Variants in TLX2 observed in about 807,000 individuals in gnomAD.
The protein encoded by TLX2 is T-cell leukemia homeobox protein 2.
Under a neutral mutation model 21.7 loss-of-function variants are expected in TLX2, and 15 were observed. That is an observed-to-expected ratio of 0.69 (90% CI 0.46 to 1.07). The LOEUF (loss-of-function observed/expected upper bound fraction) is 1.07. Among genes scored for constraint, TLX2 ranks in the 50% least tolerant of loss-of-function variants. TLX2 has a pLI of 0.00. For synonymous variants in TLX2, 213 were observed against 193.1 expected (o/e 1.10, Z -0.85); for missense variants, 384 against 409.1 (o/e 0.94, Z 0.53).
In TLX2 at chr2:74,516,666, G is replaced by A. The variant is rs921403156; in HGVS notation, c.*477G>A. On this transcript the variant is annotated 3_prime_UTR_variant, in exon 3 of 3. Coordinates refer to ENST00000233638, the MANE Select transcript of TLX2 (RefSeq NM_016170.5). ...GAAGCAATAGAGGGGGTGCTGGAGC[G>A]CGAGAGGCTGGCTGATTGTGACCGA... The A allele has an allele frequency of 7.2e-6, 3 of 419,560 alleles. No individual in the cohort carries two copies. Among genetic ancestry groups the A allele is most frequent in the African/African-American group, 4.4e-5 (2 of 45,516 alleles). 26.0% of individuals were successfully genotyped at this position (419,560 alleles called of 1,614,324 possible).
At position 74,515,714 on chromosome 2, in the gene TLX2, G is replaced by A. The variant is rs1018250433; in HGVS notation, c.482G>A (p.Arg161His). The stretch of plus-strand genomic sequence containing the variant: ...ACCCCTCCGAAGCGGAAGAAGCCGC[G>A]CACGTCCTTCTCCCGCTCACAGGTG... Reference protein sequence around the residue: ...NRTPPKRKKPRTSFSRSQVLE... With the variant: ...NRTPPKRKKPHTSFSRSQVLE... The change falls in exon 2 of 3, where the codon CGC becomes CAC. Residue 161 changes from arginine (R) to histidine (H), a missense_variant. Arg to His is a conservative substitution (Grantham distance 29). Coordinates refer to ENST00000233638, the MANE Select transcript of TLX2 (RefSeq NM_016170.5). This position sits in a 1 kb window ranked among gnomAD's most constrained non-coding sequence, Gnocchi z 6.6. The A allele has an allele frequency of 3.1e-6, 5 of 1,613,548 alleles. No individual in the cohort carries two copies. The highest frequency in any genetic ancestry group is 1.7e-6 in the Non-Finnish European group (2 of 1,179,988).
At position 74,514,651 on chromosome 2, in the gene TLX2, G is replaced by T; in HGVS notation, c.-156G>T. The T allele has an allele frequency of 6.8e-7, 1 of 1,473,282 alleles. No individual in the cohort carries two copies. 91.3% of individuals were successfully genotyped at this position (1,473,282 alleles called of 1,614,324 possible). On this transcript the variant is annotated 5_prime_UTR_variant, in exon 1 of 3. Coordinates refer to ENST00000233638, the MANE Select transcript of TLX2 (RefSeq NM_016170.5). This position sits in a 1 kb window ranked among gnomAD's most constrained non-coding sequence, Gnocchi z 5.0. ...GGCGCGGCTGCTCCGGGTGCACAGG[G>T]ATGCTGCTGTTTCGGGGACCCCGGC...
Position 74,515,264 on chromosome 2 carries a change from C to G in TLX2, c.400+58C>G. ...CGACTCTGACCCCGTCTCCTCATTT[C>G]TTAGCTTTCTGCTCCAACTCAAGGA... On this transcript the variant is annotated intron_variant, in intron 1 of 2. Coordinates refer to ENST00000233638, the MANE Select transcript of TLX2 (RefSeq NM_016170.5). The surrounding 1 kb of genome is among the most constrained non-coding windows in gnomAD (Gnocchi z 6.6). The G allele has an allele frequency of 6.5e-7, 1 of 1,534,516 alleles. No individual in the cohort carries two copies.
At position 74,515,612 on chromosome 2, in the gene TLX2, G is replaced by C. The variant is rs754765583; in HGVS notation, c.401-21G>C. 17 of 1,597,866 alleles carry C rather than the reference G, an allele frequency of 1.1e-5. No homozygotes were observed. Among genetic ancestry groups the C allele is most frequent in the Middle Eastern group, 1.7e-4 (1 of 5,844 alleles). On this transcript the variant is annotated intron_variant, in intron 1 of 2. Coordinates refer to ENST00000233638, the MANE Select transcript of TLX2 (RefSeq NM_016170.5). This position sits in a 1 kb window ranked among gnomAD's most constrained non-coding sequence, Gnocchi z 6.6. ...CGGGCCACCCTGCAAATCCTGCCCT[G>C]GTCTTTCTTCCTCCCGGTAGCTGCG...
At position 74,515,082 on chromosome 2, in the gene TLX2, G is replaced by C; in HGVS notation, c.276G>C (p.Pro92=). 1 of 1,523,922 alleles carries C rather than the reference G, an allele frequency of 6.6e-7. No individual in the cohort carries two copies. Among genetic ancestry groups the C allele is most frequent in the South Asian group, 1.2e-5 (1 of 82,198 alleles). The allele number at this position is 1,523,922 out of a possible 1,614,324, so 94.4% of individuals were successfully genotyped here. Residue 92 remains proline (P), a synonymous_variant, in exon 1 of 3, where the codon CCG becomes CCC. Transcript: ENST00000233638. This position sits in a 1 kb window ranked among gnomAD's most constrained non-coding sequence, Gnocchi z 6.6. ...CTGCGCACCGCCCGCTGCCTGTGCC[G>C]CCGCCCGCTGGGGGGGCGCCTGCAG... ...RVPAHRPLPV[P]PPAGGAPAVP...
chr2:74,516,173 T>C lies in TLX2; in HGVS notation c.839T>C (p.Leu280Pro), dbSNP rs1386612518. Residue 280 changes from leucine to proline, a missense_variant, in exon 3 of 3, where the codon CTC becomes CCC. Transcript: ENST00000233638. ...EDNKVASVSG[L>P]ASVV ...AACAAAGTGGCTTCAGTGTCCGGGC[T>C]CGCCTCGGTGGTGTGAGCGACGCCC... The C allele has an allele frequency of 6.2e-7, 1 of 1,609,886 alleles. No homozygotes were observed. The highest frequency in any genetic ancestry group is 1.3e-5 in the African/African-American group (1 of 74,802).
At position 74,514,710 on chromosome 2, in the gene TLX2, G is replaced by T. The variant is rs1449480002; in HGVS notation, c.-97G>T. 1 of 1,568,026 alleles carries T rather than the reference G, an allele frequency of 6.4e-7. No homozygotes were observed. Among genetic ancestry groups the T allele is most frequent in the East Asian group, 2.4e-5 (1 of 41,600 alleles). On this transcript the variant is annotated 5_prime_UTR_variant, in exon 1 of 3. Coordinates refer to ENST00000233638, the MANE Select transcript of TLX2 (RefSeq NM_016170.5). The surrounding 1 kb of genome is among the most constrained non-coding windows in gnomAD (Gnocchi z 5.0). ...TTGGCCAGCCCCGCGGGCCCCTGAG[G>T]CCACTCTCCGGAGCGCGCCGCCGCT...
chr2:74,515,466 C>T lies in TLX2; in HGVS notation c.401-167C>T, dbSNP rs1327599410. Among the ~76,000 whole-genome samples the T allele has an allele frequency of 3.3e-5, 5 of 152,144 alleles. No individual in the cohort carries two copies. Among genetic ancestry groups the T allele is most frequent in the Non-Finnish European group, 5.9e-5 (4 of 68,018 alleles). Reference sequence around the variant, plus strand: ...GTGAAGTTACAGGGGACGTCTCCCTCGCATCCCAGGGGAAGGGCCTTTCTT... The same window carrying T: ...GTGAAGTTACAGGGGACGTCTCCCTTGCATCCCAGGGGAAGGGCCTTTCTT... On this transcript the variant is annotated intron_variant, in intron 1 of 2. Transcript: ENST00000233638. The surrounding 1 kb of genome is among the most constrained non-coding windows in gnomAD (Gnocchi z 6.6).
chr2:74,514,730 G>T lies in TLX2; in HGVS notation c.-77G>T. 1 of 1,592,420 alleles carries T rather than the reference G, an allele frequency of 6.3e-7. No individual in the cohort carries two copies. ...CTGAGGCCACTCTCCGGAGCGCGCC[G>T]CCGCTGGGCTTCTGGCGCTGCCTGA... On this transcript the variant is annotated 5_prime_UTR_variant, in exon 1 of 3. Coordinates refer to ENST00000233638, the MANE Select transcript of TLX2 (RefSeq NM_016170.5). This position sits in a 1 kb window ranked among gnomAD's most constrained non-coding sequence, Gnocchi z 5.0.
rs141921839 is a variant in TLX2 at position 74,516,166 on chromosome 2, T to A, written c.832T>A (p.Ser278Thr). 2.8e-4 allele frequency: 443 copies of A among 1,610,480 alleles called. 3 individuals are homozygous for A. The East Asian group carries it at 9.0e-3, about 33-fold the overall frequency. The change falls in exon 3 of 3, where the codon TCC becomes ACC. Residue 278 changes from serine to threonine, a missense_variant. Coordinates refer to ENST00000233638, the MANE Select transcript of TLX2 (RefSeq NM_016170.5). Reference protein sequence around the residue: ...WAEDNKVASVSGLASVV With the variant: ...WAEDNKVASVTGLASVV ...CGAGGACAACAAAGTGGCTTCAGTGTCCGGGCTCGCCTCGGTGGTGTGAGC... is the reference window on the plus strand; with the variant it reads ...CGAGGACAACAAAGTGGCTTCAGTGACCGGGCTCGCCTCGGTGGTGTGAGC...
chr2:74,516,424 G>C lies in TLX2; in HGVS notation c.*235G>C. ...CTTCACTGCCGTTACGCCCTCGCTG[G>C]AACCTGAGGCGCCGAGAGGGCGGGA... On this transcript the variant is annotated 3_prime_UTR_variant, in exon 3 of 3. Coordinates refer to ENST00000233638, the MANE Select transcript of TLX2 (RefSeq NM_016170.5). The C allele has an allele frequency of 7.1e-7, 1 of 1,409,252 alleles. No homozygotes were observed. Among genetic ancestry groups the C allele is most frequent in the Non-Finnish European group, 9.3e-7 (1 of 1,079,982 alleles). The allele number at this position is 1,409,252 out of a possible 1,614,324, so 87.3% of individuals were successfully genotyped here.
In TLX2 at chr2:74,516,498, A is replaced by G; in HGVS notation, c.*309A>G. 7.9e-7 allele frequency: 1 copy of G among 1,258,440 alleles called. No individual in the cohort carries two copies. The highest frequency in any genetic ancestry group is 1.0e-6 in the Non-Finnish European group (1 of 991,864). The allele number at this position is 1,258,440 out of a possible 1,614,324, so 78.0% of individuals were successfully genotyped here. On this transcript the variant is annotated 3_prime_UTR_variant, in exon 3 of 3. Transcript: ENST00000233638. ...GTGCGGGGAGGGGGCCGGGCTGGCC[A>G]ATGGGAGCTGCTTTCCTGAGGGACT...
chr2:74,514,708 A>G lies in TLX2; in HGVS notation c.-99A>G, dbSNP rs985369297. The G allele has an allele frequency of 6.4e-7, 1 of 1,566,134 alleles. No individual in the cohort carries two copies. The highest frequency in any genetic ancestry group is 8.6e-7 in the Non-Finnish European group (1 of 1,157,030). The stretch of plus-strand genomic sequence containing the variant: ...CCTTGGCCAGCCCCGCGGGCCCCTG[A>G]GGCCACTCTCCGGAGCGCGCCGCCG... On this transcript the variant is annotated 5_prime_UTR_variant, in exon 1 of 3. It removes the in-frame stop codon of an upstream open reading frame in the 5' UTR. Transcript: ENST00000233638. The surrounding 1 kb of genome is among the most constrained non-coding windows in gnomAD (Gnocchi z 5.0).
rs1170034378 is a variant in TLX2, at chr2:74,514,956, C to T, written c.150C>T (p.Phe50=). Residue 50 remains phenylalanine (F), a synonymous_variant, in exon 1 of 3, where the codon TTC becomes TTT. Transcript: ENST00000233638. The surrounding 1 kb of genome is among the most constrained non-coding windows in gnomAD (Gnocchi z 5.0). ...AGGGTCATGGGGAGAATGGGGCGTT[C>T]TCGGGTGGATACCACGGAGCCTCGG... The part of the protein sequence containing the change: ...GGQGHGENGA[F]SGGYHGASGY... The T allele has an allele frequency of 1.3e-6, 2 of 1,589,062 alleles. No individual in the cohort carries two copies. Among genetic ancestry groups the T allele is most frequent in the Admixed American group, 1.7e-5 (1 of 57,314 alleles).
In TLX2 at chr2:74,514,912, G is replaced by A; in HGVS notation, c.106G>A (p.Gly36Ser). The A allele has an allele frequency of 1.9e-6, 3 of 1,610,338 alleles. No homozygotes were observed. Among genetic ancestry groups the A allele is most frequent in the Non-Finnish European group, 2.5e-6 (3 of 1,178,686 alleles). Residue 36 changes from glycine to serine, a missense_variant, in exon 1 of 3, where the codon GGC becomes AGC. Coordinates refer to ENST00000233638, the MANE Select transcript of TLX2 (RefSeq NM_016170.5). The surrounding 1 kb of genome is among the most constrained non-coding windows in gnomAD (Gnocchi z 5.0). Reference sequence around the variant, plus strand: ...CCCCGAAACCCCAGGGGGCGGTCTAGGCCTGGGTCGCGGGGGCCAGGGTCA... The same window carrying A: ...CCCCGAAACCCCAGGGGGCGGTCTAAGCCTGGGTCGCGGGGGCCAGGGTCA... The part of the protein sequence containing the change: ...SGPETPGGGL[G>S]LGRGGQGHGE...
chr2:74,515,995 G>T lies in TLX2; in HGVS notation c.661G>T (p.Glu221Ter). 6.8e-7 allele frequency: 1 copy of T among 1,481,034 alleles called. No individual in the cohort carries two copies. The highest frequency in any genetic ancestry group is 1.4e-5 in the South Asian group (1 of 72,862). The allele number at this position is 1,481,034 out of a possible 1,614,324, so 91.7% of individuals were successfully genotyped here. Reference sequence around the variant, plus strand: ...TAGGCGCCAGACGGCGGAGGAGCGCGAGGCCGAGCGGCACCGCGCGGGCCG... The same window carrying T: ...TAGGCGCCAGACGGCGGAGGAGCGCTAGGCCGAGCGGCACCGCGCGGGCCG... Reference protein sequence around the residue: ...KWRRQTAEEREAERHRAGRLL... With the variant: ...KWRRQTAEER The change falls in exon 3 of 3, where the codon GAG (glutamate) becomes TAG (stop). Residue 221 changes from glutamate (E) to a stop codon, truncating the protein, a stop_gained. Coordinates refer to ENST00000233638, the MANE Select transcript of TLX2 (RefSeq NM_016170.5). LOFTEE classifies it high-confidence loss of function. This position sits in a 1 kb window ranked among gnomAD's most constrained non-coding sequence, Gnocchi z 6.6.
rs1156591314 is a variant in TLX2 at position 74,516,429 on chromosome 2, T to A, written c.*240T>A. On this transcript the variant is annotated 3_prime_UTR_variant, in exon 3 of 3. Transcript: ENST00000233638. ...CTGCCGTTACGCCCTCGCTGGAACC[T>A]GAGGCGCCGAGAGGGCGGGACCTGC... 1.4e-6 allele frequency: 2 copies of A among 1,393,604 alleles called. No homozygotes were observed. The highest frequency in any genetic ancestry group is 5.4e-5 in the Admixed American group (2 of 36,710). 86.3% of individuals were successfully genotyped at this position (1,393,604 alleles called of 1,614,324 possible).
Position 74,516,439 on chromosome 2 carries a change from A to T in TLX2, c.*250A>T. On this transcript the variant is annotated 3_prime_UTR_variant, in exon 3 of 3. Coordinates refer to ENST00000233638, the MANE Select transcript of TLX2 (RefSeq NM_016170.5). ...GCCCTCGCTGGAACCTGAGGCGCCG[A>T]GAGGGCGGGACCTGCAGGACAGTAG... 7.9e-6 allele frequency: 11 copies of T among 1,386,494 alleles called. No homozygotes were observed. The highest frequency in any genetic ancestry group is 1.0e-5 in the Non-Finnish European group (11 of 1,066,148). The allele number at this position is 1,386,494 out of a possible 1,614,324, so 85.9% of individuals were successfully genotyped here.
At position 74,515,017 on chromosome 2, in the gene TLX2, G is replaced by C. The variant is rs765604395; in HGVS notation, c.211G>C (p.Gly71Arg). ...GPAGSLAPLP[G>R]SSGVGPGGVI... The stretch of plus-strand genomic sequence containing the variant: ...CGCCGGCTCACTTGCCCCGCTGCCC[G>C]GCAGCTCCGGAGTGGGCCCAGGCGG... The change falls in exon 1 of 3, where the codon GGC becomes CGC. Residue 71 changes from glycine to arginine, a missense_variant. Physicochemically the swap from Gly to Arg is moderately radical, Grantham distance 125. Coordinates refer to ENST00000233638, the MANE Select transcript of TLX2 (RefSeq NM_016170.5). This position sits in a 1 kb window ranked among gnomAD's most constrained non-coding sequence, Gnocchi z 6.6. The C allele has an allele frequency of 4.8e-5, 74 of 1,528,272 alleles. No individual in the cohort carries two copies. Among genetic ancestry groups the C allele is most frequent in the Non-Finnish European group, 6.1e-5 (70 of 1,138,372 alleles). The allele number at this position is 1,528,272 out of a possible 1,614,324, so 94.7% of individuals were successfully genotyped here. A position where few individuals can be genotyped will look rare whatever the true frequency, so the allele number is the denominator to read the frequency against.
Sources: gnomAD v4.1 joint callset for allele counts (sites outside exome capture counted in the v4.1 genomes callset) on GRCh38, gnomAD v4.1.1 for gene constraint, Gnocchi (gnomAD v3.1) non-coding constraint, MANE v1.5 for transcripts, NCBI Gene and HGNC (gene_info 2026-07-23, HGNC 2026-07-21) for gene names.